The following TTC39A variants were observed in gnomAD, a reference collection of about 807,000 sequenced individuals.
The protein encoded by TTC39A is tetratricopeptide repeat domain 39A.
In TTC39A, 46 loss-of-function variants were observed where a neutral mutation model predicts 82.3. That is an observed-to-expected ratio of 0.56 (90% CI 0.44 to 0.71). TTC39A has a LOEUF of 0.71. Ranked by LOEUF, TTC39A falls within the 30% of genes least tolerant of loss-of-function variation. TTC39A has a pLI of 0.00. For synonymous variants in TTC39A, 254 were observed against 275.2 expected (o/e 0.92, Z 0.76); for missense variants, 543 against 712.9 (o/e 0.76, Z 2.71).
intron 1 of TTC39A, among the ~76,000 whole-genome samples, chr1:51,327,038 T>C (rs1569993093): frequency 6.6e-6 from 1 of 151,706 alleles, no homozygotes; most frequent in Admixed American, 6.6e-5. Flanking sequence ...TGGGAGGGGG[T>C]GTCAGGTAGC....
chr1:51,339,807 C>T (rs115689334), intron 1 of TTC39A, among the ~76,000 whole-genome samples: 4,832 of 152,268 alleles, frequency 0.032, 128 homozygotes, highest in Non-Finnish European at 0.051. Context: ...CTGGCCTCAG[C>T]CGAGCTGCTG....
chr1:51,317,512 G>A (rs1645331607), intron 2 of TTC39A, among the ~76,000 whole-genome samples: 1 of 152,236 alleles, frequency 6.6e-6, no homozygotes, highest in Admixed American at 6.5e-5. Flanking sequence ...ACTGTGGGAG[G>A]CCAAGGCGGG....
intron 8 of TTC39A, among the ~76,000 whole-genome samples, chr1:51,303,503 G>A (rs1486623191): frequency 1.3e-5 from 2 of 152,190 alleles, no homozygotes; most frequent in African/African-American, 2.4e-5. Flanking sequence ...GGGTATTGAG[G>A]GCCCAAGGTC....
chr1:51,311,373 G>A (rs796141513), intron 4 of TTC39A, 52 bp from the exon 5 acceptor site: 4 of 1,513,188 alleles, frequency 2.6e-6, no homozygotes, highest in African/African-American at 2.8e-5. Flanking sequence ...TAGTCAGGAG[G>A]CCTGGGACAA....
rs764916725 is a variant in TTC39A at position 51,290,093 on chromosome 1, A to C, written c.1405T>G (p.Cys469Gly). 20 of 1,613,578 alleles carry C rather than the reference A, an allele frequency of 1.2e-5. 1 individual carries two copies. The Middle Eastern group carries it at 2.0e-3, about 159-fold the overall frequency. ...AGGCCTTTCAACAATTTCACCAAGC[A>C]CTCGTCATCCACTGAGTACTCGTTC... Reference protein sequence around the residue: ...PENEYSVDDECLVKLLKGLCL... With the variant: ...PENEYSVDDEGLVKLLKGLCL... Residue 469 changes from cysteine to glycine, a missense_variant, in exon 16 of 18, where the codon TGC (cysteine) becomes GGC (glycine). Transcript: ENST00000680483.
At chr1:51,344,202 G>GGACAAGTCAGAACAA (rs1227675601) in intron 1 of TTC39A, among the ~76,000 whole-genome samples, 3 of 152,266 alleles carry the variant, frequency 2.0e-5, no homozygotes, top group Admixed American at 1.3e-4. Flanking sequence ...CCAAGTTTGA[G>GGACAAGTCAGAACAA]GTGTTCATAG....
upstream of TTC39A, among the ~76,000 whole-genome samples, chr1:51,334,324 A>G (rs1645948147): frequency 6.6e-6 from 1 of 152,102 alleles, no homozygotes; most frequent in African/African-American, 2.4e-5. Flanking sequence ...ACCAACACAG[A>G]GAAACCCTGT....
At chr1:51,304,879 G>C (rs1644812327) in intron 8 of TTC39A, among the ~76,000 whole-genome samples, 1 of 152,204 alleles carries the variant, frequency 6.6e-6, no homozygotes, top group Non-Finnish European at 1.5e-5. Context: ...CCCTGGGAGG[G>C]CCAGGCAGGG....
Position 51,305,966 on chromosome 1 carries a change from G to A in TTC39A, c.588+11C>T, listed in dbSNP as rs1557715604. On this transcript the variant is annotated intron_variant, in intron 7 of 17. Transcript: ENST00000680483. ...AGCCAGGTGCTGTGGAAATGGAGGA[G>A]GAGCACTCACCAGGTTGAAGGCCCC... 1.2e-6 allele frequency: 2 copies of A among 1,613,038 alleles called. No individual in the cohort carries two copies. The highest frequency in any genetic ancestry group is 1.6e-4 in the Middle Eastern group (1 of 6,074).
At chr1:51,330,957 G>A (rs144388942), upstream of TTC39A, 1 of 642,450 alleles carries the variant, frequency 1.6e-6, no homozygotes, top group Non-Finnish European at 2.8e-6. This position sits in a 1 kb window ranked among gnomAD's most constrained non-coding sequence, Gnocchi z 4.5. Flanking sequence ...ACAGCCCCCA[G>A]AGTCAGGCCT....
At chr1:51,311,350 C>T in intron 4 of TTC39A, 29 bp from the exon 5 acceptor site, 2 of 1,552,502 alleles carry the variant, frequency 1.3e-6, no homozygotes, top group Non-Finnish European at 1.7e-6. Flanking sequence ...AGCCCCGTGG[C>T]CTCCTGGGAC....
At chr1:51,313,964 G>C (rs1645188769) in intron 2 of TTC39A, among the ~76,000 whole-genome samples, 1 of 152,274 alleles carries the variant, frequency 6.6e-6, no homozygotes. Flanking sequence ...GACTCCATCT[G>C]TAACTGAGGC....
At chr1:51,311,147 G>T in intron 5 of TTC39A, 107 bp downstream of exon 5, 1 of 1,078,868 alleles carries the variant, frequency 9.3e-7, no homozygotes, top group Non-Finnish European at 1.3e-6. Flanking sequence ...ATGAGTCGTG[G>T]TTGCTATGGG....
At chr1:51,340,666 G>T (rs1356804713) in intron 1 of TTC39A, among the ~76,000 whole-genome samples, 1 of 152,204 alleles carries the variant, frequency 6.6e-6, no homozygotes, top group Non-Finnish European at 1.5e-5. Flanking sequence ...GACTAAAGCT[G>T]GTGAAGCCCT....
intron 2 of TTC39A, among the ~76,000 whole-genome samples, chr1:51,314,675 T>A (rs987421290): frequency 4.6e-5 from 7 of 152,276 alleles, no homozygotes; most frequent in Admixed American, 4.6e-4. Flanking sequence ...CTGCAGGCAG[T>A]GGCTTGTAGA....
chr1:51,316,778 GC>G (rs1251031562), intron 2 of TTC39A, among the ~76,000 whole-genome samples: 1 of 152,122 alleles, frequency 6.6e-6, no homozygotes, highest in African/African-American at 2.4e-5. Flanking sequence ...CCCCACACAT[GC>G]CCCCAGTGCA....
upstream of TTC39A, chr1:51,331,359 G>A: frequency 3.3e-6 from 5 of 1,494,982 alleles, no homozygotes; most frequent in Non-Finnish European, 3.6e-6. Context: ...AAAGCCACTG[G>A]CCCATGAAGA....
chr1:51,316,599 G>A (rs1337037768), intron 2 of TTC39A, among the ~76,000 whole-genome samples: 1 of 152,224 alleles, frequency 6.6e-6, no homozygotes, highest in Non-Finnish European at 1.5e-5. Flanking sequence ...ACACAGGCTG[G>A]ACTGGGGCCT....
intron 1 of TTC39A, chr1:51,322,278 G>A: frequency 6.9e-7 from 1 of 1,440,310 alleles, no homozygotes; most frequent in Non-Finnish European, 9.1e-7. Flanking sequence ...TAGAATCCCT[G>A]ACGTTGTCAC....
Sources: gnomAD v4.1 joint callset for allele counts (sites outside exome capture counted in the v4.1 genomes callset) on GRCh38, gnomAD v4.1.1 for gene constraint, Gnocchi (gnomAD v3.1) non-coding constraint, MANE v1.5 for transcripts, NCBI Gene and HGNC (gene_info 2026-07-23, HGNC 2026-07-21) for gene names.